Variants in ARHGAP29 observed in about 807,000 individuals in gnomAD.
The protein encoded by ARHGAP29 is rho GTPase-activating protein 29.
In ARHGAP29, 43 loss-of-function variants were observed where a neutral mutation model predicts 122.6. The ratio of observed to expected loss-of-function variants is 0.35; its 90% CI spans 0.27 to 0.45. The LOEUF (loss-of-function observed/expected upper bound fraction) is 0.45, where lower values mean the gene tolerates loss of function less well. ARHGAP29 is among the 20% of genes least tolerant of loss of function. ARHGAP29 has a pLI of 1.00. For missense variants in ARHGAP29, 1,303 were observed against 1,477.2 expected (o/e 0.88, Z 1.93); for synonymous variants, 506 against 497.1 (o/e 1.02, Z -0.24).
the ARHGAP29 span, among the ~76,000 whole-genome samples, chr1:94,284,206 G>T: frequency 1.8e-4 from 27 of 152,234 alleles, no homozygotes; most frequent in South Asian, 4.6e-3. Context: ...TAAGTGTTTA[G>T]AGAGCTTTAC....
At chr1:94,234,402 G>A (rs1229984186) in intron 1 of ARHGAP29, among the ~76,000 whole-genome samples, 1 of 152,146 alleles carries the variant, frequency 6.6e-6, no homozygotes, top group African/African-American at 2.4e-5. Flanking sequence ...AAAATGGTAT[G>A]TTTCAAAAAG....
chr1:94,268,495 T>C (rs1418969548), intron 1 of ARHGAP29, among the ~76,000 whole-genome samples: 1 of 152,166 alleles, frequency 6.6e-6, no homozygotes, highest in African/African-American at 2.4e-5. Flanking sequence ...ATATACTGCA[T>C]ACTTTTTATT....
intron 7 of ARHGAP29, among the ~76,000 whole-genome samples, chr1:94,204,349 A>C (rs1223176522): frequency 6.6e-6 from 1 of 152,106 alleles, no homozygotes; most frequent in African/African-American, 2.4e-5. Flanking sequence ...TCAACTGGGA[A>C]ACTCTTTCAG....
upstream of ARHGAP29, among the ~76,000 whole-genome samples, chr1:94,240,602 G>C (rs1653537399): frequency 6.6e-6 from 1 of 152,160 alleles, no homozygotes; most frequent in African/African-American, 2.4e-5. Context: ...AATAGCTTAA[G>C]TTTTTCAACA....
chr1:94,187,279 T>C lies in ARHGAP29; in HGVS notation c.1682-682A>G, dbSNP rs115916644. Among the ~76,000 whole-genome samples, 242 of 152,336 alleles carry C rather than the reference T, an allele frequency of 1.6e-3. 3 individuals carry two copies. The highest frequency in any genetic ancestry group is 5.4e-3 in the African/African-American group (226 of 41,588). On this transcript the variant is annotated intron_variant, in intron 15 of 22. Transcript: ENST00000260526. ...CTAAGTGGAAGAATTCACCTTAACG[T>C]AAGGCCTTAAACGTTTCAAATTCAG...
chr1:94,290,343 T>C, the ARHGAP29 span, among the ~76,000 whole-genome samples: 1 of 152,198 alleles, frequency 6.6e-6, no homozygotes, highest in African/African-American at 2.4e-5. Context: ...GCTAGTGGTC[T>C]ATCTATTTTG....
At position 94,203,151 on chromosome 1, in the gene ARHGAP29, A is replaced by T. The variant is rs1280250780; in HGVS notation, c.822T>A (p.Ser274Arg). 1 of 1,613,600 alleles carries T rather than the reference A, an allele frequency of 6.2e-7. No individual in the cohort carries two copies. Among genetic ancestry groups the T allele is most frequent in the Non-Finnish European group, 8.5e-7 (1 of 1,179,806 alleles). Reference sequence around the variant, plus strand: ...CTGCAATTGTTTGTTGTAAAAGGTGACTGCTTTCTATATCATTAAGAAGAG... The same window carrying T: ...CTGCAATTGTTTGTTGTAAAAGGTGTCTGCTTTCTATATCATTAAGAAGAG... ...TNALLNDIES[S>R]HLLQQTIAAL... Residue 274 changes from serine (S) to arginine (R), a missense_variant, in exon 9 of 23, where the codon AGT becomes AGA. By Grantham distance (110) the Ser-to-Arg change is moderately radical (BLOSUM62 -1). Around this residue, in one of 3 missense-constraint regions of ARHGAP29, gnomAD observed 592 missense variants for 648.2 expected, o/e 0.91. Coordinates refer to ENST00000260526, the MANE Select transcript of ARHGAP29 (RefSeq NM_004815.4).
intron 20 of ARHGAP29, among the ~76,000 whole-genome samples, 191 bp from the exon 21 acceptor site, chr1:94,178,358 A>G (rs1327703203): frequency 6.6e-6 from 1 of 152,186 alleles, no homozygotes; most frequent in Non-Finnish European, 1.5e-5. Context: ...TCACAGTTTC[A>G]CAGTATTGGA....
chr1:94,185,222 G>T, intron 17 of ARHGAP29, 120 bp downstream of exon 17: 1 of 1,230,124 alleles, frequency 8.1e-7, no homozygotes, highest in Non-Finnish European at 1.1e-6. Context: ...TATAGAAGGT[G>T]TACTGTAGTA....
rs371113290 is a variant in ARHGAP29 at position 94,202,907 on chromosome 1, T to G, written c.954+11A>C. The G allele has an allele frequency of 1.3e-6, 2 of 1,594,386 alleles. No individual in the cohort carries two copies. Among genetic ancestry groups the G allele is most frequent in the African/African-American group, 2.7e-5 (2 of 73,542 alleles). ...ACAAATAGGTACATGAAACTCCATT[T>G]TAATACTAACCATTTTATTTTGCTC... On this transcript the variant is annotated intron_variant, in intron 10 of 22. Transcript: ENST00000260526.
chr1:94,294,810 G>T, the ARHGAP29 span, among the ~76,000 whole-genome samples: 1 of 152,206 alleles, frequency 6.6e-6, no homozygotes, highest in Non-Finnish European at 1.5e-5. Flanking sequence ...AAGTGGAGGG[G>T]AGAAAATAAT....
chr1:94,184,050 G>T (rs1017018767), intron 19 of ARHGAP29, 101 bp downstream of exon 19: 1 of 1,285,002 alleles, frequency 7.8e-7, no homozygotes, highest in Non-Finnish European at 1.1e-6. Flanking sequence ...TACCGTCTAT[G>T]CCAATGAAAA....
chr1:94,194,497 T>C (rs760145806), intron 12 of ARHGAP29: 6 of 152,226 alleles, frequency 3.9e-5, no homozygotes, highest in African/African-American at 7.2e-5. Flanking sequence ...CTCACAGTTG[T>C]AGAGATTGAG....
rs564630226 is a variant in ARHGAP29, at chr1:94,200,127, A to G, written c.1281+1593T>C. Among the ~76,000 whole-genome samples the G allele has an allele frequency of 3.0e-3, 450 of 152,340 alleles. 11 individuals are homozygous for G. Among genetic ancestry groups the G allele is most frequent in the Admixed American group, 2.7e-3 (41 of 15,310 alleles). ...GCATGACTCATAAAAGAAAAAACTG[A>G]TAAGTTGGATTCCAACAAAATTAAA... On this transcript the variant is annotated intron_variant, in intron 12 of 22. Transcript: ENST00000260526.
At chr1:94,239,480 A>G (rs1570592224), upstream of ARHGAP29, among the ~76,000 whole-genome samples, 1 of 152,082 alleles carries the variant, frequency 6.6e-6, no homozygotes, top group Non-Finnish European at 1.5e-5. Context: ...ACAAAGAGAA[A>G]GGAGCTCACA....
At chr1:94,261,364 C>G (rs1654549507) in intron 1 of ARHGAP29, among the ~76,000 whole-genome samples, 1 of 152,128 alleles carries the variant, frequency 6.6e-6, no homozygotes, top group Admixed American at 6.6e-5. Context: ...TGTTTACTAT[C>G]ACAAGTTTGG....
At chr1:94,175,427 T>C (rs1371873394) in intron 22 of ARHGAP29, among the ~76,000 whole-genome samples, 1 of 152,214 alleles carries the variant, frequency 6.6e-6, no homozygotes, top group Admixed American at 6.5e-5. Context: ...ATTCCAGGAA[T>C]GTTCCAGCCC....
At chr1:94,186,716 T>C (rs776702653) in intron 15 of ARHGAP29, 119 bp from the exon 16 acceptor site, 3 of 753,304 alleles carry the variant, frequency 4.0e-6, no homozygotes, top group South Asian at 1.9e-5. Context: ...ATGTAAAAAT[T>C]TGCTTCTATT....
intron 12 of ARHGAP29, among the ~76,000 whole-genome samples, chr1:94,196,260 T>TC (rs1430585048): frequency 1.3e-4 from 13 of 102,962 alleles, no homozygotes; most frequent in South Asian, 1.1e-3. Context: ...GTTTTTCTTT[T>TC]TTTTTTTTTT....
Sources: allele counts gnomAD v4.1 joint callset (sites outside exome capture counted in the v4.1 genomes callset), GRCh38; gene constraint gnomAD v4.1.1; regional missense constraint gnomAD v4.1.1; transcripts MANE v1.5; gene names NCBI Gene and HGNC (gene_info 2026-07-23, HGNC 2026-07-21).